The following AKR1C3 variants were observed in gnomAD, a reference collection of about 807,000 sequenced individuals.
AKR1C3 encodes the protein 3-alpha hydroxysteroid dehydrogenase, type II.
A neutral mutation model predicts 43.6 loss-of-function variants in AKR1C3; 48 were observed. The observed-to-expected ratio is 1.10, with a 90% CI of 0.87 to 1.40. AKR1C3 has a LOEUF of 1.40. Ranked by LOEUF, AKR1C3 falls within the 40% of genes most tolerant of loss-of-function variation. AKR1C3 has a pLI of 0.00. For synonymous variants in AKR1C3, 162 were observed against 139.6 expected, an observed-to-expected ratio of 1.16 and a Z score of -1.13; for missense variants, 482 against 391.2, an observed-to-expected ratio of 1.23 and a Z score of -1.96.
At chr10:5,087,380 C>CT (rs71391988) in intron 1 of AKR1C3, among the ~76,000 whole-genome samples, 45 of 74,806 alleles carry the variant, frequency 6.0e-4, no homozygotes, top group Middle Eastern at 8.6e-3. Context: ...TCATTTCTTT[C>CT]TTTTTTTTTT....
At chr10:5,055,667 C>T (rs1321240386) in intron 1 of AKR1C3, among the ~76,000 whole-genome samples, 1 of 115,024 alleles carries the variant, frequency 8.7e-6, no homozygotes, top group African/African-American at 3.4e-5. Context: ...GCTATACTGG[C>T]TCTCTCTGTG....
At chr10:5,097,068 T>G (rs1441824103) in intron 2 of AKR1C3, among the ~76,000 whole-genome samples, 2 of 152,182 alleles carry the variant, frequency 1.3e-5, no homozygotes, top group African/African-American at 4.8e-5. Context: ...CTTTAGTTTC[T>G]AAGCAACATA....
At chr10:5,067,529 T>C (rs1838533104) in intron 1 of AKR1C3, among the ~76,000 whole-genome samples, 2 of 152,064 alleles carry the variant, frequency 1.3e-5, no homozygotes, top group Admixed American at 1.3e-4. Flanking sequence ...ATTGAAAGCT[T>C]TTTTTACCTG....
rs73603628 is a variant in AKR1C3, at chr10:5,103,364, G to C, written c.846+714G>C. ...GTCTTTCTTTGACTCTTAGTTGCTT[G>C]TCTTTTTTTTAAGTATAGGAGACCA... On this transcript the variant is annotated intron_variant, in intron 7 of 8. Coordinates refer to ENST00000380554, the MANE Select transcript of AKR1C3 (RefSeq NM_003739.6). 1.5e-3 allele frequency among the ~76,000 whole-genome samples: 218 copies of C among 149,656 alleles called. 2 individuals carry two copies. The highest frequency in any genetic ancestry group is 5.4e-3 in the African/African-American group (211 of 39,198).
rs1554787079 is a variant in AKR1C3 at position 5,105,680 on chromosome 10, A to G, written c.929+3A>G. On this transcript the variant is annotated splice_donor_region_variant and intron_variant, in intron 8 of 8. Transcript: ENST00000380554. ...CTCCACTATTTTAACAGTGATAGGTAAGTTTCCTTTGTAAATGGGTGATCT... is the reference window on the plus strand; with the variant it reads ...CTCCACTATTTTAACAGTGATAGGTGAGTTTCCTTTGTAAATGGGTGATCT... The G allele has an allele frequency of 2.5e-6, 4 of 1,609,476 alleles. No homozygotes were observed.
rs1588352850 is a variant in AKR1C3 at position 5,094,512 on chromosome 10, C to T, written c.68C>T (p.Thr23Ile). 6.2e-7 allele frequency: 1 copy of T among 1,612,750 alleles called. No individual in the cohort carries two copies. Among genetic ancestry groups the T allele is most frequent in the African/African-American group, 1.3e-5 (1 of 74,948 alleles). ...TTCATGCCTGTATTGGGATTTGGCA[C>T]CTATGCACCTCCAGAGGTAAGAATA... is the stretch of plus-strand genomic sequence containing the variant. ...GHFMPVLGFG[T>I]YAPPEVPRSK... Residue 23 changes from threonine to isoleucine, a missense_variant, in exon 1 of 9, where the codon ACC becomes ATC. By Grantham distance (89) the Thr-to-Ile change is moderately conservative. Coordinates refer to ENST00000380554, the MANE Select transcript of AKR1C3 (RefSeq NM_003739.6).
intron 1 of AKR1C3, among the ~76,000 whole-genome samples, chr10:5,081,100 G>A (rs1436783654): frequency 2.6e-5 from 4 of 152,186 alleles, no homozygotes; most frequent in Admixed American, 2.6e-4. Context: ...GATGGTATCA[G>A]TGGATCTGTT....
Position 5,099,015 on chromosome 10 carries a change from G to A in AKR1C3, c.447+136G>A, listed in dbSNP as rs1839283789. 17 of 867,364 alleles carry A rather than the reference G, an allele frequency of 2.0e-5. 1 individual carries two copies. The South Asian group carries it at 3.0e-4, about 15-fold the overall frequency. 53.7% of individuals were successfully genotyped at this position (867,364 alleles called of 1,614,324 possible). ...AACTTTACAAGAGTAGCTTTGGTGA[G>A]ATGAAGGGAAAAACACAAAAGGAAT... On this transcript the variant is annotated intron_variant, in intron 4 of 8. Coordinates refer to ENST00000380554, the MANE Select transcript of AKR1C3 (RefSeq NM_003739.6).
At chr10:5,053,002 T>A (rs782671521) in intron 1 of AKR1C3, among the ~76,000 whole-genome samples, 14 of 152,206 alleles carry the variant, frequency 9.2e-5, no homozygotes, top group Non-Finnish European at 2.1e-4. Flanking sequence ...CACAGGGTGC[T>A]GATTGGTGTA....
In AKR1C3 at chr10:5,105,656, T is replaced by C. The variant is rs1839482757; in HGVS notation, c.908T>C (p.Leu303Pro). Reference protein sequence around the residue: ...MKAIDGLDRNLHYFNSDSFAS... With the variant: ...MKAIDGLDRNPHYFNSDSFAS... Reference sequence around the variant, plus strand: ...GCCATAGATGGCCTAGACAGAAATCTCCACTATTTTAACAGTGATAGGTAA... The same window carrying C: ...GCCATAGATGGCCTAGACAGAAATCCCCACTATTTTAACAGTGATAGGTAA... Residue 303 changes from leucine (L) to proline (P), a missense_variant, in exon 8 of 9, where the codon CTC becomes CCC. Physicochemically the swap from Leu to Pro is moderately conservative, Grantham distance 98. Coordinates refer to ENST00000380554, the MANE Select transcript of AKR1C3 (RefSeq NM_003739.6). 2 of 1,613,588 alleles carry C rather than the reference T, an allele frequency of 1.2e-6. No homozygotes were observed. The highest frequency in any genetic ancestry group is 1.3e-5 in the African/African-American group (1 of 74,932).
chr10:5,095,078 TACC>T (rs3996506), intron 1 of AKR1C3, among the ~76,000 whole-genome samples: 12,615 of 152,022 alleles, frequency 0.083, 745 homozygotes, highest in Non-Finnish European at 0.13. Flanking sequence ...AAGAAAAAAA[TACC>T]ACCTCATTTT....
chr10:5,075,775 G>A (rs1379046347), intron 1 of AKR1C3, among the ~76,000 whole-genome samples: 1 of 152,096 alleles, frequency 6.6e-6, no homozygotes, highest in Non-Finnish European at 1.5e-5. Flanking sequence ...TCGGGAGGCT[G>A]AGGCAGGAGA....
At chr10:5,077,829 A>G in intron 1 of AKR1C3, 1 of 539,412 alleles carries the variant, frequency 1.9e-6, no homozygotes, top group South Asian at 4.0e-5. Context: ...TCAATGTAAA[A>G]ATAACATATA....
chr10:5,075,475 G>GTTT (rs35817601), intron 1 of AKR1C3, among the ~76,000 whole-genome samples: 10 of 151,838 alleles, frequency 6.6e-5, no homozygotes, highest in African/African-American at 1.4e-4. Flanking sequence ...TCATAAATAA[G>GTTT]TTTTTTTTAA....
At chr10:5,060,687 G>C (rs780176823) in intron 1 of AKR1C3, among the ~76,000 whole-genome samples, 3 of 152,212 alleles carry the variant, frequency 2.0e-5, no homozygotes, top group Non-Finnish European at 4.4e-5. Context: ...CCATGTGCCC[G>C]CACTCCTCAG....
chr10:5,063,764 G>GAAAAAAAAAAAAAAAAAAAAA (rs1406943359), intron 1 of AKR1C3, among the ~76,000 whole-genome samples: 1 of 33,430 alleles, frequency 3.0e-5, no homozygotes, highest in Non-Finnish European at 5.4e-5. Flanking sequence ...CTCTGTCTCA[G>GAAAAAAAAAAAAAAAAAAAAA]CAAAAAAAAA....
In AKR1C3 at chr10:5,099,849, A is replaced by G. The variant is rs144546932; in HGVS notation, c.570+400A>G. The G allele has an allele frequency of 1.0e-3, 184 of 179,288 alleles. 1 individual carries two copies. In the East Asian group the frequency reaches 0.02, roughly 20 times the overall value. The allele number at this position is 179,288 out of a possible 1,614,324, so 11.1% of individuals were successfully genotyped here. On this transcript the variant is annotated intron_variant, in intron 5 of 8. Coordinates refer to ENST00000380554, the MANE Select transcript of AKR1C3 (RefSeq NM_003739.6). ...AAGATGAAATGAGCTGTACGTGAAC[A>G]GAGAGTTAGAATAAGAGAAGAGAGG...
intron 1 of AKR1C3, among the ~76,000 whole-genome samples, chr10:5,084,924 T>G (rs1218020848): frequency 2.6e-5 from 4 of 152,186 alleles, no homozygotes; most frequent in African/African-American, 4.8e-5. Flanking sequence ...TGCACATTGA[T>G]TTTGTATCCT....
upstream of AKR1C3, among the ~76,000 whole-genome samples, chr10:5,090,395 C>T (rs1426415597): frequency 4.6e-5 from 7 of 152,028 alleles, no homozygotes; most frequent in African/African-American, 1.7e-4. Flanking sequence ...CTAATACATC[C>T]CTGTCTTGGG....
Sources: allele counts gnomAD v4.1 joint callset (sites outside exome capture counted in the v4.1 genomes callset), GRCh38; gene constraint gnomAD v4.1.1; transcripts MANE v1.5; gene names NCBI Gene and HGNC (gene_info 2026-07-23, HGNC 2026-07-21).